PTPRT: variants seen among roughly 807,000 people sequenced by gnomAD.
The protein encoded by PTPRT is protein tyrosine phosphatase receptor type T, also known as receptor-type tyrosine-protein phosphatase T.
Under a neutral mutation model 176.8 loss-of-function variants are expected in PTPRT, and 56 were observed. The ratio of observed to expected loss-of-function variants is 0.32; its 90% CI spans 0.26 to 0.40. The LOEUF is 0.40. Among genes scored for constraint, PTPRT ranks in the 10% least tolerant of loss-of-function variants. PTPRT has a pLI of 1.00. For missense variants in PTPRT, 1,540 were observed against 1,908.2 expected (o/e 0.81, Z 3.60); for synonymous variants, 783 against 739.0 (o/e 1.06, Z -0.96).
chr20:42,577,073 C>T (rs2073274379), intron 7 of PTPRT, among the ~76,000 whole-genome samples: 1 of 152,062 alleles, frequency 6.6e-6, no homozygotes, highest in Admixed American at 6.6e-5. Flanking sequence ...ATTTTAGAAA[C>T]AAGTAGACTT....
intron 1 of PTPRT, among the ~76,000 whole-genome samples, chr20:42,958,424 AGGAGGAAG>A (rs1443892763): frequency 4.5e-5 from 2 of 44,220 alleles, no homozygotes; most frequent in Non-Finnish European, 8.7e-5. Context: ...AAGGGAGGAA[AGGAGGAAG>A]GGAGGAAGGG....
chr20:42,709,987 G>A (rs184326033), intron 6 of PTPRT, among the ~76,000 whole-genome samples: 1 of 152,298 alleles, frequency 6.6e-6, no homozygotes, highest in Non-Finnish European at 1.5e-5. Flanking sequence ...ATGACTTAGG[G>A]TAACTGGCAG....
chr20:42,661,108 C>A (rs1203549194), intron 7 of PTPRT, among the ~76,000 whole-genome samples: 2 of 152,114 alleles, frequency 1.3e-5, no homozygotes, highest in African/African-American at 4.8e-5. Context: ...CCCAGACTCC[C>A]AAAGTGCTGG....
chr20:42,635,642 A>G (rs777694936), intron 7 of PTPRT, among the ~76,000 whole-genome samples: 57 of 152,308 alleles, frequency 3.7e-4, no homozygotes, highest in Non-Finnish European at 7.1e-4. Flanking sequence ...AACAAATACC[A>G]TGGTAATAAT....
intron 12 of PTPRT, among the ~76,000 whole-genome samples, chr20:42,285,440 T>G (rs2057213655): frequency 6.6e-6 from 1 of 152,058 alleles, no homozygotes; most frequent in South Asian, 2.1e-4. Context: ...AGGCTAATAC[T>G]GCTGAGAGTA....
chr20:42,535,231 C>T (rs2072455603), intron 7 of PTPRT, among the ~76,000 whole-genome samples: 1 of 152,094 alleles, frequency 6.6e-6, no homozygotes, highest in African/African-American at 2.4e-5. Flanking sequence ...GGATAGAAAA[C>T]TGAATAATGC....
chr20:42,655,477 C>A (rs906734872), intron 7 of PTPRT, among the ~76,000 whole-genome samples: 1 of 152,130 alleles, frequency 6.6e-6, no homozygotes, highest in Non-Finnish European at 1.5e-5. Flanking sequence ...GGTGACAGAG[C>A]AAGACTCCAT....
chr20:42,827,784 T>C (rs1192777826), intron 2 of PTPRT, among the ~76,000 whole-genome samples: 1 of 152,180 alleles, frequency 6.6e-6, no homozygotes, highest in Admixed American at 6.5e-5. Context: ...CCCCTTTTTC[T>C]TGGCACTTCT....
chr20:42,048,401 G>T, the PTPRT span, among the ~76,000 whole-genome samples: 1 of 152,202 alleles, frequency 6.6e-6, no homozygotes. Context: ...GACCAACAGA[G>T]TAGGACGGAA....
In PTPRT at chr20:42,634,022, A is replaced by T. The variant is rs1328391444; in HGVS notation, c.1153+43844T>A. Among the ~76,000 whole-genome samples the T allele has an allele frequency of 9.8e-4, 29 of 29,576 alleles. No homozygotes were observed. The East Asian group carries it at 0.02, about 20-fold the overall frequency. 19.4% of individuals were successfully genotyped at this position (29,576 alleles called of 152,430 possible). A position where few individuals can be genotyped will look rare whatever the true frequency, so the allele number is the denominator to read the frequency against. On this transcript the variant is annotated intron_variant, in intron 7 of 30. Coordinates refer to ENST00000373187, the MANE Select transcript of PTPRT (RefSeq NM_007050.6). ...TATTATATATATATAATATATATATAATATATATATTATATATATTATATA... is the reference window on the plus strand; with the variant it reads ...TATTATATATATATAATATATATATTATATATATATTATATATATTATATA...
intron 1 of PTPRT, among the ~76,000 whole-genome samples, chr20:43,187,342 T>A (rs904411188): frequency 7.9e-5 from 12 of 152,330 alleles, no homozygotes; most frequent in African/African-American, 2.9e-4. Flanking sequence ...AATCAAGTTA[T>A]TGTCATATTT....
At chr20:42,272,001 G>A (rs1324503051) in intron 13 of PTPRT, among the ~76,000 whole-genome samples, 1 of 152,170 alleles carries the variant, frequency 6.6e-6, no homozygotes, top group African/African-American at 2.4e-5. Flanking sequence ...TTAAAAATAT[G>A]AAAAGTTTTG....
intron 1 of PTPRT, among the ~76,000 whole-genome samples, chr20:43,062,321 C>T (rs553276420): frequency 4.6e-5 from 7 of 152,336 alleles, no homozygotes; most frequent in African/African-American, 1.4e-4. Context: ...TTGTCTTTTC[C>T]TGGCTGGGTA....
chr20:42,730,530 G>A (rs1373271531), intron 6 of PTPRT, among the ~76,000 whole-genome samples: 1 of 152,206 alleles, frequency 6.6e-6, no homozygotes, highest in Non-Finnish European at 1.5e-5. Flanking sequence ...TGGAAGAGAG[G>A]AACAGAGCAG....
At chr20:42,485,946 G>T (rs1428785985) in intron 7 of PTPRT, among the ~76,000 whole-genome samples, 5 of 152,166 alleles carry the variant, frequency 3.3e-5, no homozygotes, top group Non-Finnish European at 7.3e-5. Context: ...CAATGAAAAA[G>T]GCAATTGACA....
intron 8 of PTPRT, among the ~76,000 whole-genome samples, chr20:42,462,837 T>G (rs1568901580): frequency 6.6e-6 from 1 of 152,190 alleles, no homozygotes; most frequent in East Asian, 1.9e-4. Context: ...TACACAGACT[T>G]TCATGTGCTA....
intron 9 of PTPRT, among the ~76,000 whole-genome samples, chr20:42,365,643 A>T (rs1051971415): frequency 6.6e-6 from 1 of 152,118 alleles, no homozygotes; most frequent in Non-Finnish European, 1.5e-5. Flanking sequence ...ACTCACACTG[A>T]CGATAGCTGA....
chr20:42,125,484 T>C (rs991625279), intron 19 of PTPRT, among the ~76,000 whole-genome samples: 17 of 152,166 alleles, frequency 1.1e-4, no homozygotes, highest in African/African-American at 4.1e-4. Flanking sequence ...TAAGACAGCA[T>C]GAACAGAGGC....
At chr20:42,223,399 G>A (rs1332151185) in intron 15 of PTPRT, among the ~76,000 whole-genome samples, 2 of 152,132 alleles carry the variant, frequency 1.3e-5, no homozygotes, top group Non-Finnish European at 2.9e-5. Context: ...CAAAGTCCAG[G>A]ATTCAAACCC....
Sources: gnomAD v4.1 joint callset for allele counts (sites outside exome capture counted in the v4.1 genomes callset) on GRCh38, gnomAD v4.1.1 for gene constraint, MANE v1.5 for transcripts, NCBI Gene and HGNC (gene_info 2026-07-23, HGNC 2026-07-21) for gene names.